MET: variants seen among roughly 807,000 people sequenced by gnomAD.
MET encodes hepatocyte growth factor receptor.
MET carries 48 observed loss-of-function variants against 133.1 expected under a neutral mutation model. The observed-to-expected ratio is 0.36, with a 90% CI of 0.29 to 0.46. MET has a LOEUF of 0.46. Ranked by LOEUF, MET falls within the 20% of genes least tolerant of loss-of-function variation. The probability of loss-of-function intolerance (pLI) is 1.00; values close to 1 mark genes in which losing one functional copy is unlikely to be tolerated. For synonymous variants in MET, 628 were observed against 616.5 expected (o/e 1.02, Z -0.28); for missense variants, 1,442 against 1,695.9 (o/e 0.85, Z 2.63).
At chr7:116,744,844 T>C (rs1383256668) in intron 5 of MET, among the ~76,000 whole-genome samples, 1 of 152,134 alleles carries the variant, frequency 6.6e-6, no homozygotes, top group Non-Finnish European at 1.5e-5. Context: ...TGGATCTCTC[T>C]GCAGAAACCC....
rs569756075 is a variant in MET at position 116,721,638 on chromosome 7, C to G, written c.1201-10030C>G. ...TGGGCATTTAGTGCTATAAATTTCCCTCTCCACACTGCTTTGAATGCGTCC... is the reference window on the plus strand; with the variant it reads ...TGGGCATTTAGTGCTATAAATTTCCGTCTCCACACTGCTTTGAATGCGTCC... On this transcript the variant is annotated intron_variant, in intron 2 of 20. Transcript: ENST00000397752. Among the ~76,000 whole-genome samples, 47 of 152,190 alleles carry G rather than the reference C, an allele frequency of 3.1e-4. No individual in the cohort carries two copies. In the South Asian group the frequency reaches 9.6e-3, roughly 31 times the overall value.
Position 116,761,925 on chromosome 7 carries a change from G to A in MET, c.2365-1125G>A, listed in dbSNP as rs896122967. ...TATCCTGAGTCCTTTTTCTATTGTGGGCATAAGTAATTGTTTTATCTCCAA... is the reference window on the plus strand; with the variant it reads ...TATCCTGAGTCCTTTTTCTATTGTGAGCATAAGTAATTGTTTTATCTCCAA... On this transcript the variant is annotated intron_variant, in intron 10 of 20. Transcript: ENST00000397752. 2.6e-5 allele frequency among the ~76,000 whole-genome samples: 4 copies of A among 151,852 alleles called. No individual in the cohort carries two copies. The South Asian group carries it at 8.3e-4, about 32-fold the overall frequency.
chr7:116,748,227 G>C (rs1288511499), intron 5 of MET, among the ~76,000 whole-genome samples: 1 of 152,216 alleles, frequency 6.6e-6, no homozygotes, highest in Admixed American at 6.5e-5. Flanking sequence ...CTGGGCAACA[G>C]AGCAAGACTC....
intron 1 of MET, among the ~76,000 whole-genome samples, chr7:116,694,110 C>A (rs907378294): frequency 1.3e-5 from 2 of 152,176 alleles, no homozygotes; most frequent in African/African-American, 4.8e-5. Context: ...CCCAGCTCAG[C>A]GCCAAATACT....
chr7:116,762,928 T>C, intron 10 of MET, 122 bp from the exon 11 acceptor site: 1 of 843,278 alleles, frequency 1.2e-6, no homozygotes, highest in Admixed American at 2.0e-5. Context: ...CATTAGGAAG[T>C]TAAATACAGA....
intron 14 of MET, among the ~76,000 whole-genome samples, chr7:116,773,972 T>C (rs539382836): frequency 6.6e-6 from 1 of 152,308 alleles, no homozygotes; most frequent in East Asian, 1.9e-4. Context: ...ACCTTCTCCC[T>C]GTGTTACATA....
chr7:116,707,907 T>C (rs1791859383), intron 2 of MET, among the ~76,000 whole-genome samples: 1 of 152,188 alleles, frequency 6.6e-6, no homozygotes. Context: ...AGCCAAGTGC[T>C]AGAAGCCTAA....
intron 2 of MET, among the ~76,000 whole-genome samples, chr7:116,722,033 G>A (rs1392605251): frequency 6.7e-6 from 1 of 150,326 alleles, no homozygotes; most frequent in Admixed American, 6.6e-5. Flanking sequence ...CAATTCCTGG[G>A]TATCCTTGTT....
At chr7:116,690,691 G>T (rs151254852) in intron 1 of MET, among the ~76,000 whole-genome samples, 72 of 152,288 alleles carry the variant, frequency 4.7e-4, no homozygotes, top group Non-Finnish European at 8.2e-4. Context: ...TTACAAATTT[G>T]CTTTCAGCCC....
At chr7:116,698,277 A>G (rs2116573259) in intron 1 of MET, among the ~76,000 whole-genome samples, 1 of 152,344 alleles carries the variant, frequency 6.6e-6, no homozygotes, top group East Asian at 1.9e-4. Context: ...ATGAAATGTT[A>G]AAATAATGTT....
chr7:116,714,886 G>A (rs1792133352), intron 2 of MET, among the ~76,000 whole-genome samples: 1 of 151,930 alleles, frequency 6.6e-6, no homozygotes, highest in South Asian at 2.1e-4. Flanking sequence ...AATAATAGTG[G>A]ACAGATAACA....
At chr7:116,769,623 T>TC in intron 11 of MET, 22 bp from the exon 12 acceptor site, 1 of 475,240 alleles carries the variant, frequency 2.1e-6, no homozygotes, top group South Asian at 2.8e-5. Flanking sequence ...TTAACAACCT[T>TC]TTTTTTTTTT....
At chr7:116,690,097 G>T (rs1281246327) in intron 1 of MET, among the ~76,000 whole-genome samples, 1 of 152,094 alleles carries the variant, frequency 6.6e-6, no homozygotes, top group Non-Finnish European at 1.5e-5. Flanking sequence ...CAGGTATTTG[G>T]AGTGGTCTCA....
At chr7:116,765,779 A>G (rs1007598961) in intron 11 of MET, among the ~76,000 whole-genome samples, 15 of 152,122 alleles carry the variant, frequency 9.9e-5, no homozygotes, top group Non-Finnish European at 1.8e-4. Flanking sequence ...ATTTCATTTG[A>G]GTCTCATGTG....
intron 3 of MET, among the ~76,000 whole-genome samples, chr7:116,739,688 G>A (rs1793367771): frequency 6.6e-6 from 1 of 152,140 alleles, no homozygotes; most frequent in Non-Finnish European, 1.5e-5. Flanking sequence ...TGTATGTGCT[G>A]CCAATTGATT....
chr7:116,769,926 T>A, intron 12 of MET, 135 bp downstream of exon 12: 1 of 1,276,584 alleles, frequency 7.8e-7, no homozygotes, highest in South Asian at 1.3e-5. Context: ...CATTCCTAGT[T>A]GTTATTTTAG....
intron 2 of MET, among the ~76,000 whole-genome samples, chr7:116,725,809 C>A: frequency 6.7e-6 from 1 of 149,658 alleles, no homozygotes; most frequent in South Asian, 2.1e-4. Flanking sequence ...TTTATAGATA[C>A]AAATGTATAA....
chr7:116,784,139 C>G (rs183685952), intron 19 of MET, among the ~76,000 whole-genome samples: 1 of 152,132 alleles, frequency 6.6e-6, no homozygotes, highest in East Asian at 1.9e-4. Context: ...GGCAGAAGAG[C>G]AGGAAAGTAT....
chr7:116,775,001 C>A lies in MET; in HGVS notation c.3149C>A (p.Thr1050Asn), dbSNP rs1179812872. Residue 1050 changes from threonine (T) to asparagine (N), a missense_variant, in exon 15 of 21, where the codon ACT becomes AAT. Physicochemically the swap from Thr to Asn is moderately conservative, Grantham distance 65. Coordinates refer to ENST00000397752, the MANE Select transcript of MET (RefSeq NM_000245.4). ...ATATCCAGTCCATTACTGCAAAATA[C>A]TGTCCACATTGACCTCAGTGCTCTA... ...SDISSPLLQN[T>N]VHIDLSALNP... is the part of the protein sequence containing the mutation. 2 of 1,614,198 alleles carry A rather than the reference C, an allele frequency of 1.2e-6. No individual in the cohort carries two copies.
Sources: gnomAD v4.1 joint callset for allele counts (sites outside exome capture counted in the v4.1 genomes callset) on GRCh38, gnomAD v4.1.1 for gene constraint, MANE v1.5 for transcripts, NCBI Gene and HGNC (gene_info 2026-07-23, HGNC 2026-07-21) for gene names.